The following LATS2 variants were observed in gnomAD, a reference collection of about 807,000 sequenced individuals.
The protein encoded by LATS2 is serine/threonine-protein kinase LATS2.
LATS2 carries 24 observed loss-of-function variants against 76.0 expected under a neutral mutation model. The ratio of observed to expected loss-of-function variants is 0.32; its 90% CI spans 0.23 to 0.44. The LOEUF (loss-of-function observed/expected upper bound fraction) is 0.44, where lower values mean the gene tolerates loss of function less well. Among genes scored for constraint, LATS2 ranks in the 20% least tolerant of loss-of-function variants. LATS2 has a pLI of 1.00. For missense variants in LATS2, 1,286 were observed against 1,481.2 expected, an observed-to-expected ratio of 0.87 and a Z score of 2.16; for synonymous variants, 692 against 635.4, an observed-to-expected ratio of 1.09 and a Z score of -1.34.
chr13:21,038,066 A>G (rs2018227), intron 2 of LATS2, among the ~76,000 whole-genome samples: 86,185 of 152,048 alleles, frequency 0.57, 27,970 homozygotes, highest in Non-Finnish European at 0.73. Context: ...TGATCATGCC[A>G]CCACACTCCA....
At position 20,974,775 on chromosome 13, in the gene LATS2, A is replaced by G; in HGVS notation, c.*95T>C. The G allele has an allele frequency of 7.3e-7, 1 of 1,363,280 alleles. No individual in the cohort carries two copies. Among genetic ancestry groups the G allele is most frequent in the Admixed American group, 2.3e-5 (1 of 43,040 alleles). 84.4% of individuals were successfully genotyped at this position (1,363,280 alleles called of 1,614,324 possible). A position where few individuals can be genotyped will look rare whatever the true frequency, so the allele number is the denominator to read the frequency against. On this transcript the variant is annotated 3_prime_UTR_variant, in exon 8 of 8. Coordinates refer to ENST00000382592, the MANE Select transcript of LATS2 (RefSeq NM_014572.3). ...AGTAATCGACGGACTAATTTAAAAC[A>G]AAACAGCCCTCGGCTTCCCTATTGG...
Position 20,989,169 on chromosome 13 carries a change from A to T in LATS2, c.611T>A (p.Leu204Gln). Residue 204 changes from leucine to glutamine, a missense_variant, in exon 4 of 8, where the codon CTG becomes CAG. Transcript: ENST00000382592. ...PSFGADGPTA[L>Q]EEMPRPYVDY... ...CACGTACGGCCGCGGCATCTCCTCC[A>T]GCGCCGTGGGGCCGTCAGCGCCGAA... The T allele has an allele frequency of 1.2e-6, 2 of 1,613,056 alleles. No homozygotes were observed. The highest frequency in any genetic ancestry group is 1.7e-6 in the Non-Finnish European group (2 of 1,179,872).
chr13:20,979,723 A>G lies in LATS2; in HGVS notation c.2740T>C (p.Leu914=). The change falls in exon 7 of 8, where the codon TTG becomes CTG. Residue 914 remains leucine, a synonymous_variant. Coordinates refer to ENST00000382592, the MANE Select transcript of LATS2 (RefSeq NM_014572.3). ...FEMLVGQPPF[L]APTPTETQLK... ...TGGGTTTCTGTGGGAGTAGGTGCCA[A>G]AAAGGGCGGCTGCCCCACCAGCATC... is the stretch of plus-strand genomic sequence containing the variant. 2 of 1,612,942 alleles carry G rather than the reference A, an allele frequency of 1.2e-6. No individual in the cohort carries two copies. Among genetic ancestry groups the G allele is most frequent in the Middle Eastern group, 1.7e-4 (1 of 6,058 alleles).
chr13:21,061,501 C>G lies in LATS2; in HGVS notation c.-360G>C, dbSNP rs920110654. ...GGCGGTGGCGTGGACGGCGACTGCT[C>G]CATCTTCCCGGGGCGCTCACGCCGC... On this transcript the variant is annotated 5_prime_UTR_variant, in exon 1 of 8. Transcript: ENST00000382592. 4.6e-5 allele frequency: 7 copies of G among 153,394 alleles called. No individual in the cohort carries two copies. The East Asian group carries it at 5.8e-4, about 13-fold the overall frequency. The allele number at this position is 153,394 out of a possible 1,614,324, so 9.5% of individuals were successfully genotyped here. A position where few individuals can be genotyped will look rare whatever the true frequency, so the allele number is the denominator to read the frequency against.
intron 1 of LATS2, among the ~76,000 whole-genome samples, chr13:21,058,869 G>A (rs997681413): frequency 1.3e-5 from 2 of 151,530 alleles, no homozygotes; most frequent in Non-Finnish European, 2.9e-5. Flanking sequence ...TTAAATAGAC[G>A]TCATAAACAG....
At chr13:21,047,609 C>T (rs1045483546) in intron 1 of LATS2, among the ~76,000 whole-genome samples, 1 of 151,782 alleles carries the variant, frequency 6.6e-6, no homozygotes, top group South Asian at 2.1e-4. Context: ...ACCCTCTAAA[C>T]GGGGATGGGC....
At position 21,009,998 on chromosome 13, in the gene LATS2, G is replaced by A. The variant is rs1315762681; in HGVS notation, c.343-18594C>T. ...ACAGACTGCCTGAGGTCAGGTGTTC[G>A]AGACCAGCCTGGCCAACATGATGAA... On this transcript the variant is annotated intron_variant, in intron 2 of 7. Transcript: ENST00000382592. 7.2e-5 allele frequency among the ~76,000 whole-genome samples: 11 copies of A among 152,230 alleles called. No individual in the cohort carries two copies. In the South Asian group the frequency reaches 1.0e-3, roughly 14 times the overall value.
chr13:20,980,301 C>T (rs557021352), intron 6 of LATS2, among the ~76,000 whole-genome samples: 24 of 152,328 alleles, frequency 1.6e-4, no homozygotes, highest in Admixed American at 1.4e-3. Flanking sequence ...GAGGCCCCTA[C>T]GGAGCCGGGC....
chr13:21,012,853 A>C (rs376264549), intron 2 of LATS2, among the ~76,000 whole-genome samples: 9 of 152,180 alleles, frequency 5.9e-5, no homozygotes, highest in African/African-American at 2.2e-4. Flanking sequence ...ACTGAGGCTA[A>C]AATAGATTAG....
rs1438064177 is a variant in LATS2 at position 20,983,573 on chromosome 13, G to C, written c.2133C>G (p.Ala711=). 3.7e-6 allele frequency: 6 copies of C among 1,613,924 alleles called. No homozygotes were observed. Among genetic ancestry groups the C allele is most frequent in the Non-Finnish European group, 5.1e-6 (6 of 1,180,018 alleles). The stretch of plus-strand genomic sequence containing the variant: ...GGATGTCCCTCTCGGCCTTGACGTG[G>C]GCCACCTGATTCCGGTTCAGGACAT... ...KKDVLNRNQV[A]HVKAERDILA... is the part of the protein sequence containing the mutation. Residue 711 remains alanine, a synonymous_variant, in exon 5 of 8, where the codon GCC becomes GCG. Transcript: ENST00000382592.
At chr13:21,006,005 C>T (rs1871250930) in intron 2 of LATS2, among the ~76,000 whole-genome samples, 1 of 151,580 alleles carries the variant, frequency 6.6e-6, no homozygotes, top group South Asian at 2.1e-4. Flanking sequence ...CGAGTGGTGG[C>T]GCATGTCTGT....
rs1870264219 is a variant in LATS2, at chr13:20,988,220, C to T, written c.1560G>A (p.Lys520=). ...DRRCPPPPYP[K]HLLLRSKSEQ... ...CCGACTTGCTGCGCAGCAGCAGGTG[C>T]TTCGGGTAGGGCGGAGGCGGGCACC... is the stretch of plus-strand genomic sequence containing the variant. The change falls in exon 4 of 8, where the codon AAG becomes AAA. Residue 520 remains lysine, a synonymous_variant. Coordinates refer to ENST00000382592, the MANE Select transcript of LATS2 (RefSeq NM_014572.3). 1 of 1,609,438 alleles carries T rather than the reference C, an allele frequency of 6.2e-7. No individual in the cohort carries two copies. The highest frequency in any genetic ancestry group is 8.5e-7 in the Non-Finnish European group (1 of 1,179,444).
rs1262163311 is a variant in LATS2 at position 21,023,602 on chromosome 13, T to A, written c.342+22083A>T. 4.7e-5 allele frequency among the ~76,000 whole-genome samples: 6 copies of A among 128,226 alleles called. No homozygotes were observed. In the South Asian group the frequency reaches 7.2e-4, roughly 15 times the overall value. 84.1% of individuals were successfully genotyped at this position (128,226 alleles called of 152,430 possible). On this transcript the variant is annotated intron_variant, in intron 2 of 7. Transcript: ENST00000382592. ...GCAAGGTCTTAGGATTTCAAAAGGA[T>A]GGGAGGGAGGTCCACCAAATGACAC...
At chr13:21,029,326 G>A (rs1438680221) in intron 2 of LATS2, among the ~76,000 whole-genome samples, 1 of 152,196 alleles carries the variant, frequency 6.6e-6, no homozygotes, top group African/African-American at 2.4e-5. Context: ...CTATTGAGAT[G>A]ATGAAATGGT....
intron 7 of LATS2, among the ~76,000 whole-genome samples, chr13:20,976,856 T>TGCA (rs1457683428): frequency 2.6e-5 from 4 of 152,170 alleles, no homozygotes. Context: ...TGTAAAATGG[T>TGCA]GCAGCCACTA....
chr13:21,052,190 C>G (rs1459544270), intron 1 of LATS2, among the ~76,000 whole-genome samples: 1 of 152,142 alleles, frequency 6.6e-6, no homozygotes, highest in Non-Finnish European at 1.5e-5. Flanking sequence ...ACAGCAGGCT[C>G]AATCTGTAAT....
At chr13:21,058,610 TGGA>T (rs1337398031) in intron 1 of LATS2, among the ~76,000 whole-genome samples, 1 of 152,238 alleles carries the variant, frequency 6.6e-6, no homozygotes, top group Non-Finnish European at 1.5e-5. Flanking sequence ...TCAAACTCGA[TGGA>T]GAAGCCAGAA....
intron 2 of LATS2, among the ~76,000 whole-genome samples, chr13:21,042,455 G>A (rs1037517289): frequency 1.3e-5 from 2 of 152,116 alleles, no homozygotes; most frequent in Non-Finnish European, 2.9e-5. Flanking sequence ...CAGCACTTTT[G>A]GAGGTTAAGG....
rs1873062097 is a variant in LATS2, at chr13:21,045,952, C to T, written c.75G>A (p.Gly25=). The T allele has an allele frequency of 6.2e-7, 1 of 1,614,128 alleles. No individual in the cohort carries two copies. The highest frequency in any genetic ancestry group is 8.5e-7 in the Non-Finnish European group (1 of 1,179,998). ...SRQRLQEIRE[G]LKQPSKSSVQ... ...CCGAAGACTTGGATGGCTGTTTTAACCCCTCACGAATCTCTTGCAGTCGCT... is the reference window on the plus strand; with the variant it reads ...CCGAAGACTTGGATGGCTGTTTTAATCCCTCACGAATCTCTTGCAGTCGCT... Residue 25 remains glycine (G), a synonymous_variant, in exon 2 of 8, where the codon GGG becomes GGA. Coordinates refer to ENST00000382592, the MANE Select transcript of LATS2 (RefSeq NM_014572.3).
Sources: gnomAD v4.1 joint callset for allele counts (sites outside exome capture counted in the v4.1 genomes callset) on GRCh38, gnomAD v4.1.1 for gene constraint, MANE v1.5 for transcripts, NCBI Gene and HGNC (gene_info 2026-07-23, HGNC 2026-07-21) for gene names.